GRM8: variants seen among roughly 807,000 people sequenced by gnomAD.
GRM8 encodes glutamate metabotropic receptor 8, also known as metabotropic glutamate receptor 8.
Under a neutral mutation model 87.2 loss-of-function variants are expected in GRM8, and 47 were observed. The ratio of observed to expected loss-of-function variants is 0.54; its 90% CI spans 0.43 to 0.69. GRM8 has a LOEUF of 0.69. Ranked by LOEUF, GRM8 falls within the 30% of genes least tolerant of loss-of-function variation. The pLI is 0.00. For synonymous variants in GRM8, 396 were observed against 404.5 expected (o/e 0.98, Z 0.25); for missense variants, 1,019 against 1,139.2 (o/e 0.89, Z 1.52).
At chr7:126,983,924 C>T (rs1042152157) in intron 3 of GRM8, among the ~76,000 whole-genome samples, 16 of 152,210 alleles carry the variant, frequency 1.1e-4, no homozygotes, top group African/African-American at 3.9e-4. Flanking sequence ...ACGTGACCAA[C>T]TGCAGAAACA....
intron 7 of GRM8, among the ~76,000 whole-genome samples, chr7:126,641,580 A>G (rs1261981643): frequency 6.6e-6 from 1 of 152,210 alleles, no homozygotes; most frequent in Non-Finnish European, 1.5e-5. Context: ...GTTTTGTTCC[A>G]GCTACCATAT....
chr7:127,148,663 T>C (rs1288231296), intron 2 of GRM8, among the ~76,000 whole-genome samples: 1 of 151,916 alleles, frequency 6.6e-6, no homozygotes, highest in African/African-American at 2.4e-5. Flanking sequence ...TAGAAATCAG[T>C]AACAGGAAGA....
intron 3 of GRM8, among the ~76,000 whole-genome samples, chr7:126,919,887 CA>C (rs1322102797): frequency 2.6e-5 from 4 of 152,004 alleles, no homozygotes; most frequent in Non-Finnish European, 4.4e-5. Context: ...ATAGCAGCAG[CA>C]AAAAAAGGAC....
At chr7:126,665,477 A>G (rs1053628111) in intron 7 of GRM8, among the ~76,000 whole-genome samples, 2 of 152,192 alleles carry the variant, frequency 1.3e-5, no homozygotes, top group Admixed American at 6.5e-5. Flanking sequence ...AGAGGCCATT[A>G]TCCTAAGAAA....
chr7:127,054,340 AC>A (rs1369302471), intron 3 of GRM8, among the ~76,000 whole-genome samples: 5 of 152,276 alleles, frequency 3.3e-5, no homozygotes, highest in Admixed American at 1.3e-4. Context: ...TTAAATAAAT[AC>A]AGTTGACTTT....
intron 8 of GRM8, among the ~76,000 whole-genome samples, chr7:126,553,084 T>TCCTC (rs1199627666): frequency 6.6e-6 from 1 of 152,058 alleles, no homozygotes; most frequent in African/African-American, 2.4e-5. Flanking sequence ...CACCAATCCC[T>TCCTC]CCTCCTGTTC....
At chr7:126,801,000 AAT>A (rs1450804587) in intron 6 of GRM8, among the ~76,000 whole-genome samples, 1 of 152,108 alleles carries the variant, frequency 6.6e-6, no homozygotes, top group Non-Finnish European at 1.5e-5. Context: ...AAATAAGAAA[AAT>A]GAGAAATATT....
At chr7:127,012,111 A>G (rs1387955463) in intron 3 of GRM8, among the ~76,000 whole-genome samples, 1 of 152,114 alleles carries the variant, frequency 6.6e-6, no homozygotes, top group Non-Finnish European at 1.5e-5. Context: ...TTAACTGTCA[A>G]CTCACCTGGA....
chr7:126,596,433 C>T (rs1797207106), intron 8 of GRM8, among the ~76,000 whole-genome samples: 1 of 152,076 alleles, frequency 6.6e-6, no homozygotes, highest in African/African-American at 2.4e-5. Flanking sequence ...TTTTCATATA[C>T]TTGTTGGCTA....
chr7:127,200,642 G>A (rs930457934), intron 2 of GRM8, among the ~76,000 whole-genome samples: 1 of 152,176 alleles, frequency 6.6e-6, no homozygotes, highest in African/African-American at 2.4e-5. Flanking sequence ...CTCCTCCAGT[G>A]TCTGGTGGTC....
intron 3 of GRM8, among the ~76,000 whole-genome samples, chr7:126,931,392 G>C (rs1327344228): frequency 6.6e-6 from 1 of 152,190 alleles, no homozygotes; most frequent in Non-Finnish European, 1.5e-5. Context: ...GCTTTTGCAT[G>C]TTTAGTATAA....
chr7:127,148,525 C>T (rs1828672548), intron 2 of GRM8, among the ~76,000 whole-genome samples: 1 of 151,918 alleles, frequency 6.6e-6, no homozygotes, highest in South Asian at 2.1e-4. Flanking sequence ...AATACATGCA[C>T]ATTTTTCTTC....
At chr7:127,249,676 A>G (rs180907945) in intron 1 of GRM8, among the ~76,000 whole-genome samples, 1 of 152,318 alleles carries the variant, frequency 6.6e-6, no homozygotes, top group East Asian at 1.9e-4. Flanking sequence ...AGAAAGCCCA[A>G]ATCTAAATTC....
At chr7:126,883,297 G>C (rs1800189639) in intron 6 of GRM8, among the ~76,000 whole-genome samples, 1 of 152,086 alleles carries the variant, frequency 6.6e-6, no homozygotes, top group Admixed American at 6.6e-5. Flanking sequence ...CTATGCAACT[G>C]GTAGAAGAAG....
At chr7:126,834,110 G>A (rs1250177093) in intron 6 of GRM8, among the ~76,000 whole-genome samples, 1 of 152,162 alleles carries the variant, frequency 6.6e-6, no homozygotes, top group Admixed American at 6.5e-5. Flanking sequence ...CAACAGAGGT[G>A]CTCCCACATA....
intron 9 of GRM8, among the ~76,000 whole-genome samples, chr7:126,483,526 T>A (rs1304375597): frequency 2.1e-5 from 3 of 144,724 alleles, no homozygotes; most frequent in Non-Finnish European, 3.0e-5. Flanking sequence ...TATGATCTAT[T>A]GAAGGGCTGA....
chr7:126,651,627 T>C (rs1803880485), intron 7 of GRM8, among the ~76,000 whole-genome samples: 1 of 152,120 alleles, frequency 6.6e-6, no homozygotes, highest in Non-Finnish European at 1.5e-5. Flanking sequence ...AACACAACAA[T>C]AATTCCATTA....
At chr7:127,072,234 T>C (rs1768449602) in intron 3 of GRM8, among the ~76,000 whole-genome samples, 1 of 152,196 alleles carries the variant, frequency 6.6e-6, no homozygotes, top group South Asian at 2.1e-4. Flanking sequence ...TTCATTTTCC[T>C]CATACTTGCA....
intron 6 of GRM8, among the ~76,000 whole-genome samples, chr7:126,810,498 A>G (rs562264257): frequency 1.3e-5 from 2 of 152,274 alleles, no homozygotes; most frequent in Admixed American, 6.5e-5. Context: ...AAAATTGTCA[A>G]TGCTTCTGCT....
Sources: allele counts gnomAD v4.1 joint callset (sites outside exome capture counted in the v4.1 genomes callset), GRCh38; gene constraint gnomAD v4.1.1; transcripts MANE v1.5; gene names NCBI Gene and HGNC (gene_info 2026-07-23, HGNC 2026-07-21).